Variants in FNIP2 observed in about 807,000 individuals in gnomAD.
The protein encoded by FNIP2 is folliculin interacting protein 2, also known as folliculin-interacting protein 2.
A neutral mutation model predicts 108.7 loss-of-function variants in FNIP2; 32 were observed. The observed-to-expected ratio is 0.29, with a 90% CI of 0.22 to 0.40. The LOEUF (loss-of-function observed/expected upper bound fraction) is 0.40. Among genes scored for constraint, FNIP2 ranks in the 10% least tolerant of loss-of-function variants. The pLI is 1.00. For missense variants in FNIP2, 1,202 were observed against 1,381.6 expected, an observed-to-expected ratio of 0.87 and a Z score of 2.06; for synonymous variants, 480 against 496.7, an observed-to-expected ratio of 0.97 and a Z score of 0.45.
chr4:158,842,255 A>G (rs927192687), intron 7 of FNIP2, among the ~76,000 whole-genome samples: 11 of 152,248 alleles, frequency 7.2e-5, no homozygotes, highest in Non-Finnish European at 1.5e-4. Flanking sequence ...GAAGATAGCA[A>G]TAAAAACTGT....
At chr4:158,806,076 G>T in intron 1 of FNIP2, 4 of 978,490 alleles carry the variant, frequency 4.1e-6, no homozygotes, top group Non-Finnish European at 5.0e-6. Context: ...GGGGAAATTA[G>T]TACACTGCTG....
At chr4:158,838,277 A>G (rs1778922552) in intron 7 of FNIP2, among the ~76,000 whole-genome samples, 2 of 145,716 alleles carry the variant, frequency 1.4e-5, no homozygotes, top group East Asian at 2.0e-4. Context: ...CTGGTGTGCA[A>G]TGGCACAGTC....
chr4:158,859,278 A>G lies in FNIP2; in HGVS notation c.1059+20A>G. ...GAAAAGGTAATAAGGATGTAATCCA[A>G]AGTCAAATAGAGAAGTGATTGTGGG... On this transcript the variant is annotated intron_variant, in intron 9 of 16. Transcript: ENST00000264433. 1 of 1,580,864 alleles carries G rather than the reference A, an allele frequency of 6.3e-7. No individual in the cohort carries two copies. Among genetic ancestry groups the G allele is most frequent in the Non-Finnish European group, 8.6e-7 (1 of 1,161,072 alleles).
At chr4:158,781,912 CT>C (rs993763956) in intron 1 of FNIP2, among the ~76,000 whole-genome samples, 22 of 151,736 alleles carry the variant, frequency 1.4e-4, no homozygotes, top group African/African-American at 5.1e-4. Context: ...TTTTTTTAAT[CT>C]GTAAAACAGG....
At chr4:158,820,495 T>C (rs1777823269) in intron 1 of FNIP2, among the ~76,000 whole-genome samples, 1 of 152,262 alleles carries the variant, frequency 6.6e-6, no homozygotes, top group Non-Finnish European at 1.5e-5. Flanking sequence ...GAAAATGGTC[T>C]TCTCAAATCA....
At chr4:158,791,943 G>A (rs1478490279) in intron 1 of FNIP2, among the ~76,000 whole-genome samples, 1 of 152,104 alleles carries the variant, frequency 6.6e-6, no homozygotes. Flanking sequence ...GGAGAGTGGT[G>A]ATCTGGAGAA....
At chr4:158,804,984 A>AT (rs1464796814) in intron 1 of FNIP2, among the ~76,000 whole-genome samples, 1 of 152,130 alleles carries the variant, frequency 6.6e-6, no homozygotes, top group African/African-American at 2.4e-5. Flanking sequence ...TTTTGAGTTT[A>AT]TTTTGAAGGA....
At chr4:158,889,340 T>G (rs1782172913) in intron 14 of FNIP2, among the ~76,000 whole-genome samples, 1 of 152,258 alleles carries the variant, frequency 6.6e-6, no homozygotes, top group African/African-American at 2.4e-5. Context: ...CCTTCTGATA[T>G]AACCTAAGCT....
intron 1 of FNIP2, among the ~76,000 whole-genome samples, chr4:158,803,497 G>T (rs1382246781): frequency 6.6e-6 from 1 of 152,228 alleles, no homozygotes; most frequent in Non-Finnish European, 1.5e-5. Context: ...TGTCTCAGAA[G>T]AGTGGTTGTG....
At chr4:158,825,754 G>C (rs1778119431) in intron 1 of FNIP2, among the ~76,000 whole-genome samples, 162 bp from the exon 2 acceptor site, 1 of 152,240 alleles carries the variant, frequency 6.6e-6, no homozygotes, top group Admixed American at 6.5e-5. Flanking sequence ...AAGGCTATCT[G>C]TCCCAGGCTC....
At chr4:158,901,021 A>C (rs1729192880) in intron 16 of FNIP2, among the ~76,000 whole-genome samples, 1 of 151,914 alleles carries the variant, frequency 6.6e-6, no homozygotes, top group South Asian at 2.1e-4. Context: ...CTTGTAAGGC[A>C]GGCCTGGTGG....
intron 12 of FNIP2, 109 bp downstream of exon 12, chr4:158,861,885 T>C: frequency 7.7e-7 from 1 of 1,294,888 alleles, no homozygotes; most frequent in South Asian, 1.4e-5. Flanking sequence ...ATAGGTTGTC[T>C]TTGGGCAGAT....
At chr4:158,872,328 G>A in intron 14 of FNIP2, 1 of 985,316 alleles carries the variant, frequency 1.0e-6, no homozygotes, top group African/African-American at 1.7e-5. Context: ...GATTTTCATG[G>A]TGACCCTCTG....
intron 10 of FNIP2, 58 bp from the exon 11 acceptor site, chr4:158,861,284 G>A: frequency 1.3e-6 from 2 of 1,541,482 alleles, no homozygotes; most frequent in Non-Finnish European, 1.7e-6. Context: ...TTTACACCAA[G>A]ATTATCCAAA....
rs761621214 is a variant in FNIP2, at chr4:158,895,770, T to C, written c.3171T>C (p.Asp1057=). Residue 1057 remains aspartate, a synonymous_variant, in exon 16 of 17, where the codon GAT becomes GAC. Transcript: ENST00000264433. The part of the protein sequence containing the change: ...PADFCIMHLE[D]RLQEMYLKSK... ...TGCAGTGCATCATGCATCTTGAAGATAGACTACAGGAGATGTACCTTAAAA... is the reference window on the plus strand; with the variant it reads ...TGCAGTGCATCATGCATCTTGAAGACAGACTACAGGAGATGTACCTTAAAA... 1.9e-6 allele frequency: 3 copies of C among 1,611,860 alleles called. No individual in the cohort carries two copies. The highest frequency in any genetic ancestry group is 2.5e-6 in the Non-Finnish European group (3 of 1,178,612).
intron 14 of FNIP2, chr4:158,872,163 A>G: frequency 2.0e-6 from 2 of 985,432 alleles, no homozygotes; most frequent in Non-Finnish European, 2.4e-6. Context: ...CAGTTTTACC[A>G]GCTGGGGACT....
chr4:158,892,748 C>T (rs1313908464), intron 15 of FNIP2, among the ~76,000 whole-genome samples: 1 of 152,116 alleles, frequency 6.6e-6, no homozygotes, highest in African/African-American at 2.4e-5. Context: ...CTCCTGTCTG[C>T]ACAGCGCTGT....
At chr4:158,833,870 G>C (rs1378623642) in intron 6 of FNIP2, 2 of 1,451,790 alleles carry the variant, frequency 1.4e-6, no homozygotes, top group Non-Finnish European at 1.8e-6. Context: ...CGGCTCACCC[G>C]GAGTGCTTCT....
chr4:158,900,763 A>G (rs995834592), intron 16 of FNIP2, among the ~76,000 whole-genome samples: 19 of 152,144 alleles, frequency 1.2e-4, no homozygotes, highest in African/African-American at 4.1e-4. Context: ...ATACAGCACA[A>G]TCATGGGTCT....
Sources: gnomAD v4.1 joint callset for allele counts (sites outside exome capture counted in the v4.1 genomes callset) on GRCh38, gnomAD v4.1.1 for gene constraint, MANE v1.5 for transcripts, NCBI Gene and HGNC (gene_info 2026-07-23, HGNC 2026-07-21) for gene names.